The following OSBP2 variants were observed in gnomAD, a reference collection of about 807,000 sequenced individuals.
OSBP2 encodes the protein oxysterol binding protein 2.
OSBP2 carries 66 observed loss-of-function variants against 96.0 expected under a neutral mutation model. The ratio of observed to expected loss-of-function variants is 0.69; its 90% CI spans 0.56 to 0.84. The LOEUF is 0.84. OSBP2 is among the 40% of genes least tolerant of loss of function. The pLI is 0.00. For missense variants in OSBP2, 1,038 were observed against 1,222.7 expected (o/e 0.85, Z 2.25); for synonymous variants, 525 against 520.9 (o/e 1.01, Z -0.11).
At chr22:30,867,750 C>T (rs1022897434) in intron 2 of OSBP2, among the ~76,000 whole-genome samples, 5 of 152,196 alleles carry the variant, frequency 3.3e-5, no homozygotes, top group African/African-American at 1.2e-4. Flanking sequence ...AATGTGGCTA[C>T]CTGCTTCCAC....
intron 2 of OSBP2, among the ~76,000 whole-genome samples, chr22:30,765,489 G>A (rs1181433486): frequency 2.0e-5 from 3 of 152,078 alleles, no homozygotes; most frequent in African/African-American, 4.8e-5. Flanking sequence ...AATTACAGGC[G>A]TGAGCAACCA....
chr22:30,698,595 C>T (rs970697895), intron 1 of OSBP2, among the ~76,000 whole-genome samples: 3 of 151,698 alleles, frequency 2.0e-5, no homozygotes, highest in African/African-American at 4.9e-5. Context: ...TGCACCACCA[C>T]GCCTGGCTAA....
intron 2 of OSBP2, among the ~76,000 whole-genome samples, chr22:30,824,958 G>A (rs1177680444): frequency 1.3e-5 from 2 of 152,212 alleles, no homozygotes; most frequent in Middle Eastern, 3.4e-3. Context: ...TCTGCTGCTC[G>A]GCTGTGTGTC....
intron 2 of OSBP2, among the ~76,000 whole-genome samples, chr22:30,760,633 T>G (rs2090194947): frequency 6.6e-6 from 1 of 152,020 alleles, no homozygotes; most frequent in Non-Finnish European, 1.5e-5. Context: ...TTGGCCAACA[T>G]GGTGAAACCC....
At chr22:30,877,684 C>T (rs1392503723) in intron 3 of OSBP2, among the ~76,000 whole-genome samples, 1 of 152,228 alleles carries the variant, frequency 6.6e-6, no homozygotes, top group Non-Finnish European at 1.5e-5. Flanking sequence ...GGCAGCTGGG[C>T]TCCATCCTGC....
chr22:30,695,371 A>AC lies in OSBP2; in HGVS notation c.464dup (p.Gly156ArgfsTer64). 6.2e-7 allele frequency: 1 copy of AC among 1,613,882 alleles called. No individual in the cohort carries two copies. The highest frequency in any genetic ancestry group is 1.7e-5 in the Admixed American group (1 of 60,024). ...CGTTAAAGCCCCTGCCTCTTCTGCG[A>AC]CCAGGACAGGCGAAGACTCCTCTTG... On this transcript the variant is annotated frameshift_variant, in exon 1 of 14. Transcript: ENST00000332585. LOFTEE classifies it high-confidence loss of function.
chr22:30,741,667 C>A (rs972664568), intron 2 of OSBP2, among the ~76,000 whole-genome samples: 17 of 152,102 alleles, frequency 1.1e-4, no homozygotes, highest in African/African-American at 4.1e-4. Flanking sequence ...TGGGTTAGGT[C>A]CAGAAGCAGC....
intron 2 of OSBP2, among the ~76,000 whole-genome samples, chr22:30,769,173 G>A (rs1439085656): frequency 1.3e-5 from 2 of 152,252 alleles, no homozygotes; most frequent in African/African-American, 4.8e-5. Context: ...CTGGTGGTAT[G>A]AACAAGTATG....
At chr22:30,698,245 A>G (rs559306804) in intron 1 of OSBP2, among the ~76,000 whole-genome samples, 2 of 152,138 alleles carry the variant, frequency 1.3e-5, no homozygotes, top group East Asian at 3.9e-4. Context: ...GTGGCTGGGG[A>G]TAGAGGTGAG....
At chr22:30,805,622 A>G (rs2090918768) in intron 2 of OSBP2, among the ~76,000 whole-genome samples, 1 of 152,230 alleles carries the variant, frequency 6.6e-6, no homozygotes, top group Non-Finnish European at 1.5e-5. Context: ...TCCGCTGGTT[A>G]TTAAAGGAAC....
chr22:30,858,698 G>A (rs1044978199), intron 2 of OSBP2, among the ~76,000 whole-genome samples: 21 of 151,108 alleles, frequency 1.4e-4, no homozygotes, highest in African/African-American at 5.1e-4. Flanking sequence ...GGCCAGCATG[G>A]TAAAACCCCG....
intron 2 of OSBP2, among the ~76,000 whole-genome samples, chr22:30,841,137 C>G (rs1056917497): frequency 1.3e-5 from 2 of 151,864 alleles, no homozygotes; most frequent in African/African-American, 4.8e-5. Context: ...TGTACTCCAG[C>G]CTGGGTGACA....
intron 2 of OSBP2, among the ~76,000 whole-genome samples, chr22:30,811,788 C>T (rs574620557): frequency 1.3e-5 from 2 of 151,976 alleles, no homozygotes; most frequent in East Asian, 3.9e-4. Context: ...CTCCTGACCT[C>T]AGGTGATCTG....
rs2040355913 is a variant in OSBP2, at chr22:30,907,471, C to T, written c.*1132C>T. On this transcript the variant is annotated 3_prime_UTR_variant, in exon 14 of 14. Transcript: ENST00000332585. ...GTGCCCTTCCCTCTCCTCATGCCCC[C>T]TTCCAGCGGCTTCTGCCAACCATGG... 6.6e-6 allele frequency: 1 copy of T among 152,346 alleles called. No individual in the cohort carries two copies. The highest frequency in any genetic ancestry group is 2.4e-5 in the African/African-American group (1 of 41,428). 9.4% of individuals were successfully genotyped at this position (152,346 alleles called of 1,614,324 possible). A position where few individuals can be genotyped will look rare whatever the true frequency, so the allele number is the denominator to read the frequency against.
chr22:30,862,158 T>C (rs1050705169), intron 2 of OSBP2, among the ~76,000 whole-genome samples: 9 of 152,202 alleles, frequency 5.9e-5, no homozygotes, highest in African/African-American at 1.9e-4. Flanking sequence ...ATTGCCTGAG[T>C]GGGCAGAGCG....
intron 2 of OSBP2, among the ~76,000 whole-genome samples, chr22:30,811,840 C>T (rs563559292): frequency 9.9e-5 from 15 of 151,684 alleles, no homozygotes; most frequent in Non-Finnish European, 2.2e-4. Flanking sequence ...CAGACATAAG[C>T]CACCGCGCCC....
rs35702187 is a variant in OSBP2 at position 30,889,203 on chromosome 22, C to G, written c.1445C>G (p.Thr482Arg). ...DSRKAEGSTGTSSVDWSSADN... is the reference protein window; with the variant it reads ...DSRKAEGSTGRSSVDWSSADN... ...AGAAAAGCTGAAGGTAGCACCGGGACAAGTTCCGTGGACTGGAGCTCAGCA... is the reference window on the plus strand; with the variant it reads ...AGAAAAGCTGAAGGTAGCACCGGGAGAAGTTCCGTGGACTGGAGCTCAGCA... The change falls in exon 6 of 14, where the codon ACA becomes AGA. Residue 482 changes from threonine to arginine, a missense_variant. Thr to Arg is a moderately conservative substitution (Grantham distance 71). Coordinates refer to ENST00000332585, the MANE Select transcript of OSBP2 (RefSeq NM_030758.4). 7.1e-3 allele frequency: 11,473 copies of G among 1,613,422 alleles called. 46 individuals are homozygous for G. The highest frequency in any genetic ancestry group is 9.1e-3 in the Non-Finnish European group (10,746 of 1,179,800).
upstream of OSBP2, chr22:30,694,118 T>C: frequency 6.5e-7 from 1 of 1,549,210 alleles, no homozygotes; most frequent in Middle Eastern, 1.7e-4. Flanking sequence ...TACCCAGGGA[T>C]CCCGGGAGGT....
chr22:30,870,653 T>C lies in OSBP2; in HGVS notation c.1078T>C (p.Phe360Leu). Reference protein sequence around the residue: ...LKVVNERATLFRITSNAMINA... With the variant: ...LKVVNERATLLRITSNAMINA... ...GGTGGTGAATGAGCGGGCCACCCTCTTCCGCATCACATCCAATGCTATGAT... is the reference window on the plus strand; with the variant it reads ...GGTGGTGAATGAGCGGGCCACCCTCCTCCGCATCACATCCAATGCTATGAT... The change falls in exon 3 of 14, where the codon TTC (phenylalanine) becomes CTC (leucine). Residue 360 changes from phenylalanine (F) to leucine (L), a missense_variant. This residue lies in a region of OSBP2 where 737 missense variants were observed against 913.3 expected (regional missense o/e 0.81). Transcript: ENST00000332585. The surrounding 1 kb of genome is among the most constrained non-coding windows in gnomAD (Gnocchi z 4.1). The C allele has an allele frequency of 6.2e-7, 1 of 1,613,684 alleles. No individual in the cohort carries two copies. The highest frequency in any genetic ancestry group is 8.5e-7 in the Non-Finnish European group (1 of 1,180,008).
Sources: gnomAD v4.1 joint callset for allele counts (sites outside exome capture counted in the v4.1 genomes callset) on GRCh38, gnomAD v4.1.1 for gene constraint, gnomAD v4.1.1 regional missense constraint, Gnocchi (gnomAD v3.1) non-coding constraint, MANE v1.5 for transcripts, NCBI Gene and HGNC (gene_info 2026-07-23, HGNC 2026-07-21) for gene names.